AFTPH: variants seen among roughly 807,000 people sequenced by gnomAD.
The protein encoded by AFTPH is aftiphilin, also known as aftiphilin protein.
A neutral mutation model predicts 72.5 loss-of-function variants in AFTPH; 7 were observed. That is an observed-to-expected ratio of 0.10 (90% CI 0.05 to 0.18). AFTPH has a LOEUF of 0.18. Among genes scored for constraint, AFTPH ranks in the 10% least tolerant of loss-of-function variants. The pLI is 1.00. For synonymous variants in AFTPH, 337 were observed against 370.1 expected (o/e 0.91, Z 1.03); for missense variants, 979 against 1,060.5 (o/e 0.92, Z 1.07).
chr2:64,579,182 ATGATTTGAGAATAGATTGAAATCT>A (rs1407188626), intron 6 of AFTPH, among the ~76,000 whole-genome samples: 1 of 152,198 alleles, frequency 6.6e-6, no homozygotes, highest in Non-Finnish European at 1.5e-5. Context: ...AGTTGAAATC[ATGATTTGAGAATAGATTGAAATCT>A]TGACATAGAA....
exon 3 of AFTPH, chr2:64,567,599 C>T (rs1672162816): frequency 1.2e-6 from 2 of 1,612,984 alleles, no homozygotes; most frequent in South Asian, 1.1e-5. Context: ...ATTTTCGAAG[C>T]ATGTTTTCCT....
intron 2 of AFTPH, among the ~76,000 whole-genome samples, chr2:64,554,659 T>C (rs1211482624): frequency 2.0e-5 from 3 of 152,252 alleles, no homozygotes; most frequent in Admixed American, 2.0e-4. Flanking sequence ...CAAAGTAGTT[T>C]AATTTGCTAA....
intron 7 of AFTPH, 57 bp from the exon 8 acceptor site, chr2:64,581,133 C>T (rs1673171021): frequency 7.7e-7 from 1 of 1,300,384 alleles, no homozygotes; most frequent in South Asian, 1.3e-5. Flanking sequence ...CATAACCCCT[C>T]CTCCCTTGGC....
At chr2:64,576,468 A>T (rs1192080007) in intron 6 of AFTPH, among the ~76,000 whole-genome samples, 3 of 152,050 alleles carry the variant, frequency 2.0e-5, no homozygotes, top group African/African-American at 7.2e-5. Context: ...AAATTTATTA[A>T]CTTAGTTTAA....
At chr2:64,570,882 C>G (rs1375152714) in intron 5 of AFTPH, among the ~76,000 whole-genome samples, 1 of 138,694 alleles carries the variant, frequency 7.2e-6, no homozygotes, top group Non-Finnish European at 1.6e-5. Context: ...TTTACTATTT[C>G]TATGGACTTT....
At chr2:64,551,009 G>C (rs1318140810) in intron 1 of AFTPH, among the ~76,000 whole-genome samples, 3 of 152,092 alleles carry the variant, frequency 2.0e-5, no homozygotes, top group Non-Finnish European at 4.4e-5. Flanking sequence ...ATAAAATTTT[G>C]ATGCCTTTAT....
intron 8 of AFTPH, among the ~76,000 whole-genome samples, chr2:64,590,331 T>C (rs1348885611): frequency 6.6e-6 from 1 of 152,208 alleles, no homozygotes; most frequent in African/African-American, 2.4e-5. Flanking sequence ...CCTATTTTCC[T>C]GTAAATTGGA....
exon 9 of AFTPH, chr2:64,591,976 T>C: frequency 6.2e-7 from 1 of 1,614,040 alleles, no homozygotes; most frequent in Non-Finnish European, 8.5e-7. Context: ...TGCCAAGGTG[T>C]TGATGTTCCC....
chr2:64,548,461 A>C (rs979005433), intron 1 of AFTPH, among the ~76,000 whole-genome samples: 2 of 150,288 alleles, frequency 1.3e-5, no homozygotes, highest in Non-Finnish European at 3.0e-5. Flanking sequence ...TCCTGTAGTT[A>C]ATGGCTGTAT....
At chr2:64,541,840 C>T (rs1558597166) in intron 1 of AFTPH, among the ~76,000 whole-genome samples, 1 of 152,114 alleles carries the variant, frequency 6.6e-6, no homozygotes, top group Non-Finnish European at 1.5e-5. Context: ...TTATAAACCT[C>T]AGACATATTG....
At chr2:64,530,954 C>T (rs1052656729) in intron 1 of AFTPH, among the ~76,000 whole-genome samples, 13 of 147,972 alleles carry the variant, frequency 8.8e-5, no homozygotes, top group African/African-American at 3.0e-4. Flanking sequence ...CCCAGCTACT[C>T]GGGAGGCTGA....
chr2:64,559,225 A>G (rs1671569124), intron 2 of AFTPH, among the ~76,000 whole-genome samples: 1 of 146,324 alleles, frequency 6.8e-6, no homozygotes, highest in African/African-American at 2.8e-5. Context: ...TTTATAAAAT[A>G]GAGGTGTATT....
chr2:64,541,362 G>A (rs1435213209), intron 1 of AFTPH, among the ~76,000 whole-genome samples: 1 of 151,994 alleles, frequency 6.6e-6, no homozygotes, highest in Non-Finnish European at 1.5e-5. Context: ...TTTGTTTTTA[G>A]GCTGGCAAGT....
intron 3 of AFTPH, among the ~76,000 whole-genome samples, chr2:64,568,041 C>CAAAAA (rs879521055): frequency 7.1e-6 from 1 of 140,218 alleles, no homozygotes; most frequent in Non-Finnish European, 1.6e-5. Flanking sequence ...GCTCTATCTC[C>CAAAAA]AAAAAAAAAA....
chr2:64,565,428 T>A (rs1490875989), intron 2 of AFTPH, among the ~76,000 whole-genome samples: 3 of 146,648 alleles, frequency 2.0e-5, no homozygotes, highest in African/African-American at 5.1e-5. Context: ...TGAGCCGAGA[T>A]TGCACCACTA....
chr2:64,585,404 A>G lies in AFTPH; in HGVS notation c.2456-18A>G, dbSNP rs1193656519. ...CCATTGCAGCCTGCCATCACTGACT[A>G]TCATTTTATACTATAAGGTGTGGAT... On this transcript the variant is annotated intron_variant, in intron 7 of 8. Transcript: ENST00000238856. 7 of 1,612,664 alleles carry G rather than the reference A, an allele frequency of 4.3e-6. No individual in the cohort carries two copies. The highest frequency in any genetic ancestry group is 1.7e-4 in the Middle Eastern group (1 of 6,058).
At chr2:64,589,432 G>A (rs187957937) in intron 8 of AFTPH, among the ~76,000 whole-genome samples, 2 of 152,160 alleles carry the variant, frequency 1.3e-5, no homozygotes, top group East Asian at 3.9e-4. Context: ...TCACTAGAGA[G>A]GAATAGATCA....
intron 1 of AFTPH, among the ~76,000 whole-genome samples, chr2:64,526,820 T>C (rs1313127698): frequency 6.6e-6 from 1 of 152,238 alleles, no homozygotes; most frequent in East Asian, 1.9e-4. Context: ...TTCTAAATGC[T>C]TTATATACAG....
intron 1 of AFTPH, among the ~76,000 whole-genome samples, chr2:64,546,102 AGGCT>A (rs942212137): frequency 2.0e-5 from 3 of 151,978 alleles, no homozygotes; most frequent in Non-Finnish European, 4.4e-5. Context: ...CATGTTGGCC[AGGCT>A]GGTCTCAAAC....
Sources: allele counts gnomAD v4.1 joint callset (sites outside exome capture counted in the v4.1 genomes callset), GRCh38; gene constraint gnomAD v4.1.1; transcripts MANE v1.5; gene names NCBI Gene and HGNC (gene_info 2026-07-23, HGNC 2026-07-21).